Variants in MACROD2 observed in about 807,000 individuals in gnomAD.
MACROD2 encodes the protein mono-ADP ribosylhydrolase 2, also known as ADP-ribose glycohydrolase MACROD2.
A neutral mutation model predicts 70.4 loss-of-function variants in MACROD2; 36 were observed. The ratio of observed to expected loss-of-function variants is 0.51; its 90% CI spans 0.39 to 0.68. MACROD2 has a LOEUF of 0.68. Among genes scored for constraint, MACROD2 ranks in the 30% least tolerant of loss-of-function variants. The probability of loss-of-function intolerance (pLI) is 0.00; values close to 1 mark genes in which losing one functional copy is unlikely to be tolerated. For missense variants in MACROD2, 496 were observed against 538.4 expected, an observed-to-expected ratio of 0.92 and a Z score of 0.78; for synonymous variants, 172 against 178.8, an observed-to-expected ratio of 0.96 and a Z score of 0.30.
intron 3 of MACROD2, among the ~76,000 whole-genome samples, chr20:14,229,464 T>C (rs2081779486): frequency 6.6e-6 from 1 of 152,144 alleles, no homozygotes; most frequent in African/African-American, 2.4e-5. Context: ...AATAAGCACA[T>C]GAAAAGATGC....
In MACROD2 at chr20:15,517,368, A is replaced by G. The variant is rs142931174; in HGVS notation, c.645+17521A>G. Among the ~76,000 whole-genome samples, 11 of 151,764 alleles carry G rather than the reference A, an allele frequency of 7.2e-5. No homozygotes were observed. In the East Asian group the frequency reaches 2.1e-3, roughly 29 times the overall value. On this transcript the variant is annotated intron_variant, in intron 8 of 17. Transcript: ENST00000684519. ...CCTCTTCACAAAGACCTTTTCCTGA[A>G]CCCCCACACAAAGTAGACCTGCCCT...
chr20:15,425,312 A>T (rs949662604), intron 6 of MACROD2, among the ~76,000 whole-genome samples: 2 of 152,190 alleles, frequency 1.3e-5, no homozygotes, highest in African/African-American at 4.8e-5. Flanking sequence ...TAAATCAACA[A>T]TAGCAATTTC....
intron 5 of MACROD2, among the ~76,000 whole-genome samples, chr20:15,094,897 T>C (rs1037960452): frequency 1.3e-5 from 2 of 152,044 alleles, no homozygotes; most frequent in African/African-American, 4.8e-5. Context: ...GGAAAGATTA[T>C]AGGCCTGGGA....
At chr20:15,735,486 A>C (rs2051006164) in intron 8 of MACROD2, among the ~76,000 whole-genome samples, 1 of 152,228 alleles carries the variant, frequency 6.6e-6, no homozygotes, top group African/African-American at 2.4e-5. Context: ...GTTTAATGCC[A>C]GATTTCACCA....
chr20:14,626,280 G>A lies in MACROD2; in HGVS notation c.302-58563G>A, dbSNP rs117767023. On this transcript the variant is annotated intron_variant, in intron 4 of 17. Coordinates refer to ENST00000684519, the MANE Select transcript of MACROD2 (RefSeq NM_001351661.2). The stretch of plus-strand genomic sequence containing the variant: ...TGTCAGCCTGAGAAACCCATGGCAC[G>A]GCCTTTTGAAGGTGAGGTAGTAGTT... Among the ~76,000 whole-genome samples the A allele has an allele frequency of 3.8e-3, 579 of 152,248 alleles. 1 individual carries two copies. Among genetic ancestry groups the A allele is most frequent in the Non-Finnish European group, 6.0e-3 (411 of 68,006 alleles).
chr20:16,046,745 A>G (rs1385486351), intron 17 of MACROD2, among the ~76,000 whole-genome samples: 2 of 138,066 alleles, frequency 1.4e-5, no homozygotes, highest in African/African-American at 5.6e-5. Flanking sequence ...TAGTGGCACG[A>G]TCTTGGCTTA....
At chr20:14,012,300 A>G (rs1216545937) in intron 2 of MACROD2, among the ~76,000 whole-genome samples, 1 of 152,114 alleles carries the variant, frequency 6.6e-6, no homozygotes, top group East Asian at 1.9e-4. Context: ...CATCTTCCTT[A>G]ATGCTTTAAG....
chr20:15,189,244 AT>A (rs760108211), intron 5 of MACROD2, among the ~76,000 whole-genome samples: 8,861 of 140,850 alleles, frequency 0.063, 495 homozygotes, highest in African/African-American at 0.16. Context: ...ACCAGGACTT[AT>A]TTTTTTTTTT....
At chr20:15,703,750 A>G (rs528779335) in intron 8 of MACROD2, among the ~76,000 whole-genome samples, 1 of 152,286 alleles carries the variant, frequency 6.6e-6, no homozygotes, top group South Asian at 2.1e-4. Flanking sequence ...AGCTGGGTCT[A>G]CAGGATCCTC....
intron 17 of MACROD2, among the ~76,000 whole-genome samples, chr20:16,048,793 C>G (rs1006143588): frequency 6.6e-6 from 1 of 152,158 alleles, no homozygotes; most frequent in African/African-American, 2.4e-5. Context: ...TATGGCCCCA[C>G]AATTCTGTTC....
intron 6 of MACROD2, among the ~76,000 whole-genome samples, chr20:15,261,706 A>G (rs1458777152): frequency 1.3e-5 from 2 of 152,002 alleles, no homozygotes; most frequent in Admixed American, 6.6e-5. Flanking sequence ...TAGCATGTAA[A>G]TTTGAACAAT....
At chr20:15,537,926 A>G (rs1463119819) in intron 8 of MACROD2, among the ~76,000 whole-genome samples, 2 of 152,202 alleles carry the variant, frequency 1.3e-5, no homozygotes, top group Non-Finnish European at 2.9e-5. Flanking sequence ...GTCTCCCAAC[A>G]TAGAGGCCAT....
chr20:15,130,426 G>A (rs543563661), intron 5 of MACROD2, among the ~76,000 whole-genome samples: 36 of 151,812 alleles, frequency 2.4e-4, no homozygotes, highest in African/African-American at 8.0e-4. Context: ...ACCAAATAGG[G>A]GAGAAATAAA....
intron 2 of MACROD2, among the ~76,000 whole-genome samples, chr20:14,056,290 T>C (rs1374626912): frequency 2.0e-5 from 3 of 152,060 alleles, no homozygotes; most frequent in Admixed American, 1.3e-4. Context: ...ATGTCTTGTG[T>C]TGTCTGTTTT....
chr20:14,478,084 A>G (rs28442897), intron 3 of MACROD2, among the ~76,000 whole-genome samples: 1 of 152,198 alleles, frequency 6.6e-6, no homozygotes, highest in African/African-American at 2.4e-5. Flanking sequence ...CTCAGGGAAC[A>G]TTTTTAGGAT....
intron 5 of MACROD2, among the ~76,000 whole-genome samples, chr20:14,821,899 G>C (rs534601199): frequency 5.3e-5 from 8 of 152,112 alleles, no homozygotes; most frequent in Admixed American, 5.2e-4. Flanking sequence ...GTTTAGTAAG[G>C]GCTGCCTGAT....
chr20:15,467,571 T>C (rs1023666545), intron 7 of MACROD2, among the ~76,000 whole-genome samples: 2 of 152,292 alleles, frequency 1.3e-5, no homozygotes, highest in African/African-American at 4.8e-5. Context: ...CTGTCTCTCC[T>C]CTCTCTCTTA....
At chr20:14,681,891 C>T (rs778197981) in intron 4 of MACROD2, among the ~76,000 whole-genome samples, 2 of 152,118 alleles carry the variant, frequency 1.3e-5, no homozygotes, top group Non-Finnish European at 2.9e-5. Flanking sequence ...TGAATCACGT[C>T]GTGAGTACTT....
At chr20:15,280,272 A>C (rs2077431449) in intron 6 of MACROD2, among the ~76,000 whole-genome samples, 2 of 152,200 alleles carry the variant, frequency 1.3e-5, no homozygotes, top group African/African-American at 4.8e-5. Flanking sequence ...GAGCCATTTA[A>C]ATGTGTGAAT....
Sources: allele counts gnomAD v4.1 joint callset (sites outside exome capture counted in the v4.1 genomes callset), GRCh38; gene constraint gnomAD v4.1.1; transcripts MANE v1.5; gene names NCBI Gene and HGNC (gene_info 2026-07-23, HGNC 2026-07-21).